CTNNA2: variants seen among roughly 807,000 people sequenced by gnomAD.
CTNNA2 encodes the protein catenin alpha 2.
CTNNA2 carries 42 observed loss-of-function variants against 101.0 expected under a neutral mutation model. The ratio of observed to expected loss-of-function variants is 0.42; its 90% CI spans 0.32 to 0.54. The LOEUF is 0.54. Ranked by LOEUF, CTNNA2 falls within the 20% of genes least tolerant of loss-of-function variation. The pLI is 0.14. For synonymous variants in CTNNA2, 450 were observed against 456.4 expected, an observed-to-expected ratio of 0.99 and a Z score of 0.18; for missense variants, 871 against 1,223.1, an observed-to-expected ratio of 0.71 and a Z score of 4.29.
chr2:79,939,589 C>G (rs116462645), intron 7 of CTNNA2, among the ~76,000 whole-genome samples: 7,235 of 151,664 alleles, frequency 0.048, 237 homozygotes, highest in Admixed American at 0.11. Flanking sequence ...GTTTGTTTTC[C>G]TTGTTTGTAA....
intron 7 of CTNNA2, among the ~76,000 whole-genome samples, chr2:79,959,291 C>G (rs1689463325): frequency 6.6e-6 from 1 of 152,060 alleles, no homozygotes; most frequent in African/African-American, 2.4e-5. Context: ...TGCCATCTCC[C>G]CTATCTACTA....
intron 7 of CTNNA2, among the ~76,000 whole-genome samples, chr2:80,027,256 G>T (rs1216521040): frequency 6.6e-6 from 1 of 152,058 alleles, no homozygotes; most frequent in Non-Finnish European, 1.5e-5. Context: ...CCAGTCAGAG[G>T]GTACAGCCAG....
At chr2:79,618,676 C>T (rs910417118) in intron 1 of CTNNA2, among the ~76,000 whole-genome samples, 2 of 144,358 alleles carry the variant, frequency 1.4e-5, no homozygotes, top group Non-Finnish European at 3.0e-5. Context: ...CCCCAACTCC[C>T]ATTCTTGTTT....
At chr2:80,311,708 G>T (rs543917630) in intron 7 of CTNNA2, among the ~76,000 whole-genome samples, 1 of 152,332 alleles carries the variant, frequency 6.6e-6, no homozygotes, top group Middle Eastern at 3.4e-3. Flanking sequence ...TTTGTGAAAT[G>T]CACAAGGCTT....
chr2:79,613,133 AT>A (rs1298364749), intron 1 of CTNNA2, among the ~76,000 whole-genome samples: 22 of 149,700 alleles, frequency 1.5e-4, no homozygotes, highest in Non-Finnish European at 2.4e-4. Flanking sequence ...AAACATCACC[AT>A]TAGTATGTTT....
At chr2:80,421,791 T>C (rs1352731250) in intron 9 of CTNNA2, among the ~76,000 whole-genome samples, 1 of 149,236 alleles carries the variant, frequency 6.7e-6, no homozygotes, top group Admixed American at 6.7e-5. Flanking sequence ...ATCTACAAGT[T>C]TGCATATATA....
At position 80,380,193 on chromosome 2, in the gene CTNNA2, T is replaced by C. The variant is rs547034653; in HGVS notation, c.1057-13018T>C. Among the ~76,000 whole-genome samples the C allele has an allele frequency of 1.2e-4, 19 of 152,024 alleles. No individual in the cohort carries two copies. The South Asian group carries it at 1.7e-3, about 13-fold the overall frequency. On this transcript the variant is annotated intron_variant, in intron 7 of 18. Coordinates refer to ENST00000402739, the MANE Select transcript of CTNNA2 (RefSeq NM_001282597.3). ...CTGGGATTACAGGTGCCTGCCACCA[T>C]GCCCGGCTAATTTTTTGTATTTTTG...
intron 7 of CTNNA2, among the ~76,000 whole-genome samples, chr2:79,930,292 A>G (rs867379686): frequency 7.0e-4 from 48 of 68,612 alleles, no homozygotes; most frequent in African/African-American, 2.5e-3. Flanking sequence ...GAGAGAGAGA[A>G]AGAGAAAGAA....
At chr2:79,829,693 C>CTTAT (rs144686881) in intron 3 of CTNNA2, among the ~76,000 whole-genome samples, 5,017 of 144,558 alleles carry the variant, frequency 0.035, 145 homozygotes, top group East Asian at 0.081. Context: ...CTTTTTCTTT[C>CTTAT]TTATTTATTT....
chr2:80,363,960 T>G (rs1241133355), intron 7 of CTNNA2, among the ~76,000 whole-genome samples: 1 of 152,186 alleles, frequency 6.6e-6, no homozygotes, highest in Non-Finnish European at 1.5e-5. Flanking sequence ...TTTTCTTGCA[T>G]GCAACGGGAG....
intron 7 of CTNNA2, among the ~76,000 whole-genome samples, chr2:80,349,819 C>T (rs1673119887): frequency 6.6e-6 from 1 of 152,074 alleles, no homozygotes; most frequent in Non-Finnish European, 1.5e-5. Flanking sequence ...ATACTGGGCT[C>T]TCCTGTTCAT....
intron 7 of CTNNA2, among the ~76,000 whole-genome samples, chr2:80,146,100 G>A (rs1307581007): frequency 6.6e-6 from 1 of 152,154 alleles, no homozygotes; most frequent in African/African-American, 2.4e-5. Context: ...AAAACCTCAA[G>A]CCATGCAGAG....
chr2:80,207,592 G>A (rs1445590842), intron 7 of CTNNA2, among the ~76,000 whole-genome samples: 2 of 152,272 alleles, frequency 1.3e-5, no homozygotes, highest in Non-Finnish European at 1.5e-5. Context: ...GCATTGCTTG[G>A]AACATAATTA....
At chr2:80,015,024 A>C (rs1026015629) in intron 7 of CTNNA2, among the ~76,000 whole-genome samples, 1 of 152,190 alleles carries the variant, frequency 6.6e-6, no homozygotes, top group Non-Finnish European at 1.5e-5. Flanking sequence ...AACTGGACCA[A>C]AAAGTTATTT....
intron 2 of CTNNA2, among the ~76,000 whole-genome samples, chr2:79,257,403 A>C (rs1408192123): frequency 6.6e-6 from 1 of 152,108 alleles, no homozygotes; most frequent in African/African-American, 2.4e-5. Context: ...CAGGGGACAC[A>C]CAAATAATAC....
At chr2:79,481,902 G>T (rs1671113848) in intron 4 of CTNNA2, among the ~76,000 whole-genome samples, 2 of 152,142 alleles carry the variant, frequency 1.3e-5, no homozygotes, top group African/African-American at 4.8e-5. Context: ...AGCAACTGAA[G>T]AGTAGGCTGG....
At chr2:80,348,319 A>T (rs150006650) in intron 7 of CTNNA2, among the ~76,000 whole-genome samples, 4 of 152,322 alleles carry the variant, frequency 2.6e-5, no homozygotes, top group East Asian at 3.9e-4. Context: ...TAGACCAGTC[A>T]AAAGATTTGC....
intron 3 of CTNNA2, among the ~76,000 whole-genome samples, chr2:79,820,974 AAT>A (rs1677954846): frequency 1.3e-5 from 2 of 152,174 alleles, no homozygotes; most frequent in Admixed American, 1.3e-4. Context: ...CTTTTTAATC[AAT>A]ATGTTTATAC....
chr2:79,330,741 A>G (rs1045730634), intron 3 of CTNNA2, among the ~76,000 whole-genome samples: 15 of 152,114 alleles, frequency 9.9e-5, no homozygotes, highest in African/African-American at 3.6e-4. Flanking sequence ...TCCCCTGCAC[A>G]TGTTCTCTTG....
Sources: allele counts gnomAD v4.1 joint callset (sites outside exome capture counted in the v4.1 genomes callset), GRCh38; gene constraint gnomAD v4.1.1; transcripts MANE v1.5; gene names NCBI Gene and HGNC (gene_info 2026-07-23, HGNC 2026-07-21).